NTRK3: variants seen among roughly 807,000 people sequenced by gnomAD.
NTRK3 encodes the protein neurotrophic receptor tyrosine kinase 3, also known as NT-3 growth factor receptor.
NTRK3 carries 24 observed loss-of-function variants against 91.7 expected under a neutral mutation model. The ratio of observed to expected loss-of-function variants is 0.26; its 90% CI spans 0.19 to 0.37. NTRK3 has a LOEUF of 0.37. NTRK3 is among the 10% of genes least tolerant of loss of function. The probability of loss-of-function intolerance (pLI) is 1.00; values close to 1 mark genes in which losing one functional copy is unlikely to be tolerated. For synonymous variants in NTRK3, 483 were observed against 404.0 expected, an observed-to-expected ratio of 1.20 and a Z score of -2.34; for missense variants, 880 against 1,068.9, an observed-to-expected ratio of 0.82 and a Z score of 2.46.
chr15:88,144,739 A>C (rs925436402), intron 6 of NTRK3, among the ~76,000 whole-genome samples: 24 of 152,128 alleles, frequency 1.6e-4, no homozygotes, highest in African/African-American at 5.6e-4. Context: ...GGATTGTTCC[A>C]AGGATAAGAC....
intron 14 of NTRK3, among the ~76,000 whole-genome samples, chr15:87,993,630 GA>G (rs770590386): frequency 6.6e-6 from 1 of 152,144 alleles, no homozygotes; most frequent in African/African-American, 2.4e-5. Context: ...CAAAGGCCTA[GA>G]AAAAGAGTGG....
Position 88,233,230 on chromosome 15 carries a change from AC to A in NTRK3, c.248+22675del, listed in dbSNP as rs533942110. 9.3e-5 allele frequency among the ~76,000 whole-genome samples: 14 copies of A among 151,232 alleles called. No individual in the cohort carries two copies. Among genetic ancestry groups the A allele is most frequent in the African/African-American group, 2.2e-4 (9 of 41,126 alleles). ...CCGTAGAGCACATTGCCAATAAATA[AC>A]CCCCCCGCCCCCAGTGTAATCTCTC... On this transcript the variant is annotated intron_variant, in intron 3 of 18. Coordinates refer to ENST00000394480, the Ensembl canonical transcript of NTRK3. The surrounding 1 kb of genome is among the most constrained non-coding windows in gnomAD (Gnocchi z 4.2).
intron 3 of NTRK3, among the ~76,000 whole-genome samples, chr15:88,211,214 A>G (rs2049219586): frequency 6.6e-6 from 1 of 152,194 alleles, no homozygotes; most frequent in Admixed American, 6.5e-5. Flanking sequence ...CCTGGCAACT[A>G]TGGATTTATC....
At chr15:88,211,763 T>C (rs1206427177) in intron 3 of NTRK3, among the ~76,000 whole-genome samples, 1 of 152,176 alleles carries the variant, frequency 6.6e-6, no homozygotes, top group East Asian at 1.9e-4. Context: ...GATAAACATG[T>C]TTTCCCTGAC....
intron 13 of NTRK3, among the ~76,000 whole-genome samples, chr15:88,119,262 A>C (rs888537668): frequency 6.6e-6 from 1 of 152,178 alleles, no homozygotes; most frequent in Non-Finnish European, 1.5e-5. Flanking sequence ...CAAGCACCAC[A>C]TTCTAGAACT....
At chr15:87,901,567 G>C (rs2066453787) in intron 17 of NTRK3, among the ~76,000 whole-genome samples, 1 of 152,228 alleles carries the variant, frequency 6.6e-6, no homozygotes, top group African/African-American at 2.4e-5. Context: ...TTTGGGAGTT[G>C]AGTTGGGCTA....
chr15:88,019,055 A>G (rs1314587652), intron 14 of NTRK3, among the ~76,000 whole-genome samples: 3 of 152,084 alleles, frequency 2.0e-5, no homozygotes, highest in African/African-American at 7.2e-5. Context: ...CTAAAACCAC[A>G]AGCAGAAATG....
chr15:88,225,832 G>T (rs2050624251), intron 3 of NTRK3, among the ~76,000 whole-genome samples: 1 of 152,120 alleles, frequency 6.6e-6, no homozygotes, highest in Non-Finnish European at 1.5e-5. Context: ...TTGAAGGAAG[G>T]GCCAGAACAA....
chr15:88,096,076 A>G (rs2049563858), intron 13 of NTRK3, among the ~76,000 whole-genome samples: 1 of 152,162 alleles, frequency 6.6e-6, no homozygotes, highest in Non-Finnish European at 1.5e-5. Flanking sequence ...GGTGACCTCT[A>G]AAAGGAAGCC....
exon 19 of NTRK3, chr15:87,863,131 C>G: frequency 4.3e-6 from 1 of 230,714 alleles, no homozygotes; most frequent in Non-Finnish European, 8.6e-6. Flanking sequence ...GTGTTTCTTT[C>G]TACTTCTCTG....
chr15:88,148,216 A>G (rs540576029), intron 5 of NTRK3, among the ~76,000 whole-genome samples: 64 of 152,330 alleles, frequency 4.2e-4, no homozygotes, highest in Non-Finnish European at 8.5e-4. Context: ...TAGGTACTAA[A>G]GGCAAACACA....
chr15:88,160,572 C>G (rs1196478326), intron 5 of NTRK3, among the ~76,000 whole-genome samples: 32 of 152,224 alleles, frequency 2.1e-4, no homozygotes, highest in Admixed American at 2.1e-3. Flanking sequence ...CATAGCTGGA[C>G]TTCCTCTGCC....
rs532216626 is a variant in NTRK3, at chr15:87,861,898, T to C, written c.*15037A>G. On this transcript the variant is annotated 3_prime_UTR_variant, in exon 19 of 19. Coordinates refer to ENST00000394480, the Ensembl canonical transcript of NTRK3. Reference sequence around the variant, plus strand: ...TGCATCTCTAGTCTCAGGCCACATTTCCCCCAGCCAGCAGATCGTTCCTCC... The same window carrying C: ...TGCATCTCTAGTCTCAGGCCACATTCCCCCCAGCCAGCAGATCGTTCCTCC... 57 of 214,754 alleles carry C rather than the reference T, an allele frequency of 2.7e-4. No homozygotes were observed. The South Asian group carries it at 9.7e-3, about 37-fold the overall frequency. 13.3% of individuals were successfully genotyped at this position (214,754 alleles called of 1,614,324 possible).
At chr15:88,067,978 C>G (rs180745859) in intron 13 of NTRK3, among the ~76,000 whole-genome samples, 4 of 152,294 alleles carry the variant, frequency 2.6e-5, no homozygotes, top group South Asian at 4.1e-4. Flanking sequence ...GGATCCACAT[C>G]TTACGGGCTG....
chr15:87,892,460 A>T (rs2065900336), intron 17 of NTRK3, among the ~76,000 whole-genome samples: 1 of 152,182 alleles, frequency 6.6e-6, no homozygotes, highest in Non-Finnish European at 1.5e-5. Flanking sequence ...CCATCAATTT[A>T]TCTTTCTTAG....
At chr15:87,878,149 C>A (rs1453332893) in intron 18 of NTRK3, among the ~76,000 whole-genome samples, 1 of 152,176 alleles carries the variant, frequency 6.6e-6, no homozygotes, top group East Asian at 1.9e-4. Context: ...AAGTCACTGA[C>A]CCCGAACTTC....
At chr15:88,171,170 G>A (rs563522152) in intron 5 of NTRK3, among the ~76,000 whole-genome samples, 21 of 152,286 alleles carry the variant, frequency 1.4e-4, no homozygotes, top group African/African-American at 3.6e-4. Flanking sequence ...TGCAATGGAG[G>A]CTTAAGAACC....
At chr15:88,207,648 C>T (rs775356967) in intron 3 of NTRK3, among the ~76,000 whole-genome samples, 9 of 152,258 alleles carry the variant, frequency 5.9e-5, no homozygotes, top group South Asian at 2.1e-4. Flanking sequence ...ACCAACCATG[C>T]GACAGTACAT....
intron 14 of NTRK3, among the ~76,000 whole-genome samples, chr15:87,980,813 T>C (rs1221602072): frequency 6.6e-6 from 1 of 152,146 alleles, no homozygotes; most frequent in Non-Finnish European, 1.5e-5. Flanking sequence ...AAACCTTCCT[T>C]GCCTATGACA....
Sources: gnomAD v4.1 joint callset for allele counts (sites outside exome capture counted in the v4.1 genomes callset) on GRCh38, gnomAD v4.1.1 for gene constraint, Gnocchi (gnomAD v3.1) non-coding constraint, MANE v1.5 for transcripts, NCBI Gene and HGNC (gene_info 2026-07-23, HGNC 2026-07-21) for gene names.